PIK3C2B: variants seen among roughly 807,000 people sequenced by gnomAD.
The protein encoded by PIK3C2B is phosphatidylinositol 4-phosphate 3-kinase C2 domain-containing subunit beta.
In PIK3C2B, 83 loss-of-function variants were observed where a neutral mutation model predicts 184.3. The observed-to-expected ratio is 0.45, with a 90% CI of 0.38 to 0.54. The LOEUF (loss-of-function observed/expected upper bound fraction) is 0.54, where lower values mean the gene tolerates loss of function less well. Ranked by LOEUF, PIK3C2B falls within the 20% of genes least tolerant of loss-of-function variation. The pLI, the probability that PIK3C2B is intolerant of heterozygous loss-of-function variation, is 0.00. For synonymous variants in PIK3C2B, 779 were observed against 837.6 expected, an observed-to-expected ratio of 0.93 and a Z score of 1.21; for missense variants, 1,736 against 2,113.5, an observed-to-expected ratio of 0.82 and a Z score of 3.50.
At chr1:204,445,206 GAA>G (rs771864314) in intron 16 of PIK3C2B, among the ~76,000 whole-genome samples, 1 of 117,994 alleles carries the variant, frequency 8.5e-6, no homozygotes. Flanking sequence ...TGCCCCAAAA[GAA>G]AAAAAAAAAA....
intron 22 of PIK3C2B, 138 bp downstream of exon 22, chr1:204,440,054 G>T: frequency 2.3e-6 from 2 of 868,198 alleles, no homozygotes; most frequent in Middle Eastern, 3.3e-4. Flanking sequence ...CCCTTTTAAG[G>T]CTATCCCACA....
intron 23 of PIK3C2B, among the ~76,000 whole-genome samples, chr1:204,437,716 G>A (rs570571605): frequency 4.6e-5 from 7 of 152,330 alleles, no homozygotes; most frequent in East Asian, 3.9e-4. Context: ...CAGGAAGACC[G>A]TGGCTTTGGC....
Position 204,469,295 on chromosome 1 carries a change from G to A in PIK3C2B, c.508C>T (p.Pro170Ser). The change falls in exon 2 of 33, where the codon CCC (proline) becomes TCC (serine). Residue 170 changes from proline (P) to serine (S), a missense_variant. Physicochemically the swap from Pro to Ser is moderately conservative, Grantham distance 74. Coordinates refer to ENST00000684373, the MANE Select transcript of PIK3C2B (RefSeq NM_001377334.1). ...PPRASIWDTP[P>S]LPPRKGSPSS... ...GGGGACCCCTTTCTGGGAGGCAGGGGAGGGGTATCCCAGATAGAAGCTCGG... is the reference window on the plus strand; with the variant it reads ...GGGGACCCCTTTCTGGGAGGCAGGGAAGGGGTATCCCAGATAGAAGCTCGG... 6.5e-7 allele frequency: 1 copy of A among 1,542,958 alleles called. No homozygotes were observed. Among genetic ancestry groups the A allele is most frequent in the Non-Finnish European group, 8.7e-7 (1 of 1,145,412 alleles).
chr1:204,436,496 C>G (rs1264473377), intron 23 of PIK3C2B, among the ~76,000 whole-genome samples: 1 of 152,042 alleles, frequency 6.6e-6, no homozygotes, highest in Non-Finnish European at 1.5e-5. Flanking sequence ...GTATTCCAGC[C>G]TGGGTGACAG....
At position 204,440,223 on chromosome 1, in the gene PIK3C2B, G is replaced by A. The variant is rs776887482; in HGVS notation, c.3348C>T (p.Ile1116=). The A allele has an allele frequency of 6.2e-6, 10 of 1,612,732 alleles. No individual in the cohort carries two copies. In the Admixed American group the frequency reaches 6.7e-5, roughly 11 times the overall value. The change falls in exon 22 of 33, where the codon ATC becomes ATT. Residue 1116 remains isoleucine, a synonymous_variant. Coordinates refer to ENST00000684373, the MANE Select transcript of PIK3C2B (RefSeq NM_001377334.1). ...CCCGGCCGGTGGAGAAGCAGCGGAA[G>A]ATGACCATGCGCATGTCCAGCCCCT... is the stretch of plus-strand genomic sequence containing the variant. ...VQEGLDMRMV[I]FRCFSTGRGR... is the part of the protein sequence containing the mutation.
chr1:204,490,492 G>A (rs1444286089), intron 1 of PIK3C2B: 5 of 152,188 alleles, frequency 3.3e-5, no homozygotes, highest in African/African-American at 1.2e-4. Context: ...GTCCTTTCAC[G>A]GGTCATGTTG....
At chr1:204,477,877 C>T (rs966389481) in intron 1 of PIK3C2B, among the ~76,000 whole-genome samples, 4 of 152,210 alleles carry the variant, frequency 2.6e-5, no homozygotes, top group Middle Eastern at 3.2e-3. Flanking sequence ...TTCCAGGGAG[C>T]TTACAATCTA....
At chr1:204,457,921 C>G (rs568510540) in intron 8 of PIK3C2B, 47 bp from the exon 9 acceptor site, 1 of 1,587,766 alleles carries the variant, frequency 6.3e-7, no homozygotes, top group African/African-American at 1.3e-5. Context: ...CTCTCATGCT[C>G]TTGGTCTCCA....
intron 6 of PIK3C2B, 41 bp downstream of exon 6, chr1:204,460,509 C>G (rs187984431): frequency 1.1e-5 from 18 of 1,572,112 alleles, no homozygotes; most frequent in Non-Finnish European, 1.6e-5. Flanking sequence ...CCCATTCCAC[C>G]TCCCCAGCCC....
chr1:204,470,765 A>T (rs1366119778), intron 1 of PIK3C2B, among the ~76,000 whole-genome samples: 2 of 152,252 alleles, frequency 1.3e-5, no homozygotes, highest in African/African-American at 4.8e-5. Flanking sequence ...ATTTTTAAAA[A>T]TGTGATGTCT....
Position 204,460,569 on chromosome 1 carries a change from C to T in PIK3C2B, c.1403G>A (p.Arg468His), listed in dbSNP as rs145468935. The T allele has an allele frequency of 7.9e-5, 128 of 1,613,918 alleles. No homozygotes were observed. The highest frequency in any genetic ancestry group is 3.3e-4 in the Admixed American group (20 of 60,016). Residue 468 changes from arginine to histidine, a missense_variant, in exon 6 of 33, where the codon CGC becomes CAC. By Grantham distance (29) the Arg-to-His change is conservative. Transcript: ENST00000684373. ...ACGAACCGTCCGGGCCAGGTCACTGCGCACAACCTTCTGCTCCATCAGCTG... is the reference window on the plus strand; with the variant it reads ...ACGAACCGTCCGGGCCAGGTCACTGTGCACAACCTTCTGCTCCATCAGCTG... ...RLQLMEQKVV[R>H]SDLARTVNDD...
chr1:204,456,905 CACCCACACACACACACACA>C lies in PIK3C2B; in HGVS notation c.1747+113_1747+131del, dbSNP rs1572346729. 417 of 135,628 alleles carry C rather than the reference CACCCACACACACACACACA, an allele frequency of 3.1e-3. 21 individuals carry two copies. The highest frequency in any genetic ancestry group is 5.8e-3 in the Non-Finnish European group (365 of 63,038). The allele number at this position is 135,628 out of a possible 1,614,324, so 8.4% of individuals were successfully genotyped here. On this transcript the variant is annotated intron_variant, in intron 10 of 32. Transcript: ENST00000684373. ...ACACACACACACACACACACACACA[CACCCACACACACACACACA>C]CCAGCCGAACTCCGACACATAAATC...
intron 1 of PIK3C2B, among the ~76,000 whole-genome samples, chr1:204,493,412 C>T (rs1202081267): frequency 1.3e-5 from 2 of 151,900 alleles, no homozygotes; most frequent in Non-Finnish European, 2.9e-5. Context: ...GACAATACAG[C>T]GATTCCATCC....
chr1:204,430,070 G>C (rs749772200), intron 28 of PIK3C2B, 32 bp from the exon 29 acceptor site: 2 of 1,402,580 alleles, frequency 1.4e-6, no homozygotes, highest in Admixed American at 3.4e-5. Flanking sequence ...CGGGGATGCA[G>C]GAGGTGAAGA....
intron 28 of PIK3C2B, 70 bp from the exon 29 acceptor site, chr1:204,430,108 T>C: frequency 1.1e-6 from 1 of 939,284 alleles, no homozygotes; most frequent in Non-Finnish European, 1.7e-6. Context: ...CACAATGGGC[T>C]TTTTTCACAT....
intron 2 of PIK3C2B, 21 bp downstream of exon 2, chr1:204,468,849 G>A (rs764137940): frequency 6.5e-7 from 1 of 1,546,640 alleles, no homozygotes; most frequent in Non-Finnish European, 8.7e-7. Flanking sequence ...GAAGGCAGAA[G>A]AAACACAAGA....
In PIK3C2B at chr1:204,424,555, C is replaced by G. The variant is rs1194277378; in HGVS notation, c.*297G>C. On this transcript the variant is annotated 3_prime_UTR_variant, in exon 33 of 33. Coordinates refer to ENST00000684373, the MANE Select transcript of PIK3C2B (RefSeq NM_001377334.1). ...GCTACTTCATACAGCCCACCCCACA[C>G]ACTCCCCAAACCAAGCATTGCTCCC... is the stretch of plus-strand genomic sequence containing the variant. 8 of 511,974 alleles carry G rather than the reference C, an allele frequency of 1.6e-5. No homozygotes were observed. The highest frequency in any genetic ancestry group is 5.9e-4 in the Middle Eastern group (1 of 1,698). 31.7% of individuals were successfully genotyped at this position (511,974 alleles called of 1,614,324 possible). A position where few individuals can be genotyped will look rare whatever the true frequency, so the allele number is the denominator to read the frequency against.
chr1:204,449,924 G>A lies in PIK3C2B; in HGVS notation c.2160C>T (p.Ser720=), dbSNP rs1654207377. The A allele has an allele frequency of 3.1e-6, 5 of 1,613,600 alleles. No individual in the cohort carries two copies. The Admixed American group carries it at 8.3e-5, about 27-fold the overall frequency. ...CCCGCCGCTGCTTATTGGCCTCTGA[G>A]GAGCTCCCCGGTGGGGGGATGGGCA... is the stretch of plus-strand genomic sequence containing the variant. ...YALPIPPPGS[S]SEANKQRRVP... The change falls in exon 13 of 33, where the codon TCC becomes TCT. Residue 720 remains serine (S), a synonymous_variant. Transcript: ENST00000684373.
At chr1:204,493,374 G>GAA (rs201191666) in intron 1 of PIK3C2B, among the ~76,000 whole-genome samples, 2 of 152,036 alleles carry the variant, frequency 1.3e-5, no homozygotes, top group African/African-American at 4.8e-5. Context: ...ACAGAGTTGA[G>GAA]AAAAAACAGC....
Sources: allele counts gnomAD v4.1 joint callset (sites outside exome capture counted in the v4.1 genomes callset), GRCh38; gene constraint gnomAD v4.1.1; transcripts MANE v1.5; gene names NCBI Gene and HGNC (gene_info 2026-07-23, HGNC 2026-07-21).